The following TGFBR2 variants were observed in gnomAD, a reference collection of about 807,000 sequenced individuals.
TGFBR2 encodes TGF-beta receptor type-2.
A neutral mutation model predicts 49.0 loss-of-function variants in TGFBR2; 18 were observed. The ratio of observed to expected loss-of-function variants is 0.37; its 90% CI spans 0.25 to 0.54. The LOEUF is 0.54. Among genes scored for constraint, TGFBR2 ranks in the 20% least tolerant of loss-of-function variants. TGFBR2 has a pLI of 0.85. For synonymous variants in TGFBR2, 282 were observed against 275.9 expected, an observed-to-expected ratio of 1.02 and a Z score of -0.22; for missense variants, 525 against 722.6, an observed-to-expected ratio of 0.73 and a Z score of 3.13.
chr3:30,620,970 G>A (rs1698220897), intron 1 of TGFBR2, among the ~76,000 whole-genome samples: 1 of 152,164 alleles, frequency 6.6e-6, no homozygotes, highest in South Asian at 2.1e-4. Flanking sequence ...TTTCTTACCT[G>A]GGTGCTTAAT....
intron 1 of TGFBR2, among the ~76,000 whole-genome samples, chr3:30,620,141 C>G (rs539501489): frequency 6.6e-6 from 1 of 152,096 alleles, no homozygotes; most frequent in African/African-American, 2.4e-5. Flanking sequence ...GAGCCGAGAT[C>G]GCGCCACTGC....
At chr3:30,691,231 A>AC (rs1162285134) in intron 6 of TGFBR2, among the ~76,000 whole-genome samples, 189 bp from the exon 7 acceptor site, 1 of 152,038 alleles carries the variant, frequency 6.6e-6, no homozygotes, top group African/African-American at 2.4e-5. Context: ...ACCAGCACAA[A>AC]CCCCCCACCA....
chr3:30,629,571 A>G (rs1698398205), intron 1 of TGFBR2, among the ~76,000 whole-genome samples: 1 of 152,200 alleles, frequency 6.6e-6, no homozygotes, highest in Non-Finnish European at 1.5e-5. Context: ...AACAGCAAAT[A>G]TGCATTAATT....
At chr3:30,617,494 A>C (rs898232956) in intron 1 of TGFBR2, among the ~76,000 whole-genome samples, 7 of 152,208 alleles carry the variant, frequency 4.6e-5, no homozygotes, top group African/African-American at 1.7e-4. Context: ...ATCATTATAA[A>C]ATAATCTAAC....
intron 1 of TGFBR2, among the ~76,000 whole-genome samples, chr3:30,634,923 CTTTT>C (rs1320448271): frequency 1.3e-5 from 2 of 152,246 alleles, no homozygotes; most frequent in East Asian, 3.9e-4. Context: ...TATGGCTTAA[CTTTT>C]TTAACTGGCT....
intron 1 of TGFBR2, among the ~76,000 whole-genome samples, chr3:30,610,663 A>G (rs1459378245): frequency 2.0e-5 from 3 of 152,184 alleles, no homozygotes; most frequent in African/African-American, 7.2e-5. Context: ...CCCTGGTCTC[A>G]TTTGTAAAAT....
chr3:30,674,061 A>G (rs191430432), intron 4 of TGFBR2, 44 bp from the exon 5 acceptor site: 1 of 1,613,996 alleles, frequency 6.2e-7, no homozygotes, highest in Non-Finnish European at 8.5e-7. Flanking sequence ...ATAAAAAGGC[A>G]GCTGGAATTA....
intron 1 of TGFBR2, among the ~76,000 whole-genome samples, chr3:30,615,982 A>C (rs1408333415): frequency 6.6e-6 from 1 of 152,010 alleles, no homozygotes; most frequent in Non-Finnish European, 1.5e-5. Context: ...GCTCAGAGGA[A>C]CCTGTCCACC....
rs896805281 is a variant in TGFBR2, at chr3:30,672,872, C to T, written c.1254+435C>T. Among the ~76,000 whole-genome samples the T allele has an allele frequency of 2.0e-5, 3 of 152,228 alleles. No individual in the cohort carries two copies. The highest frequency in any genetic ancestry group is 4.4e-5 in the Non-Finnish European group (3 of 68,038). On this transcript the variant is annotated intron_variant, in intron 4 of 6. Coordinates refer to ENST00000295754, the MANE Select transcript of TGFBR2 (RefSeq NM_003242.6). This position sits in a 1 kb window ranked among gnomAD's most constrained non-coding sequence, Gnocchi z 4.5. ...GCAATCTCCCTGAAGTCCAAATCTA[C>T]ATCCACATGGTCACCCAAGATATGT...
At chr3:30,691,270 C>A in intron 6 of TGFBR2, 150 bp from the exon 7 acceptor site, 2 of 833,850 alleles carry the variant, frequency 2.4e-6, no homozygotes, top group Non-Finnish European at 3.9e-6. Context: ...GGCTGGCCTG[C>A]AGCAGCAGGC....
intron 1 of TGFBR2, among the ~76,000 whole-genome samples, chr3:30,643,867 G>A (rs1210126976): frequency 6.6e-6 from 1 of 152,156 alleles, no homozygotes; most frequent in African/African-American, 2.4e-5. Flanking sequence ...TCAGAGATCA[G>A]AAAAGTGACA....
At chr3:30,631,882 C>T (rs1354177261) in intron 1 of TGFBR2, among the ~76,000 whole-genome samples, 6 of 152,080 alleles carry the variant, frequency 3.9e-5, no homozygotes, top group African/African-American at 1.4e-4. Context: ...TCAGAGCCTT[C>T]TCCACTGCAA....
At chr3:30,657,032 TC>T (rs1183919040) in intron 3 of TGFBR2, among the ~76,000 whole-genome samples, 1 of 152,212 alleles carries the variant, frequency 6.6e-6, no homozygotes, top group Non-Finnish European at 1.5e-5. Flanking sequence ...GTGAATTGGC[TC>T]CTCCAGACTT....
At chr3:30,618,478 C>T (rs1032488012) in intron 1 of TGFBR2, among the ~76,000 whole-genome samples, 5 of 152,048 alleles carry the variant, frequency 3.3e-5, no homozygotes, top group African/African-American at 7.2e-5. Flanking sequence ...CCTCGTGATC[C>T]GCCCGCCTCG....
chr3:30,669,955 C>A (rs1385684707), intron 3 of TGFBR2, among the ~76,000 whole-genome samples: 1 of 152,118 alleles, frequency 6.6e-6, no homozygotes, highest in Admixed American at 6.5e-5. Context: ...TATCCTCATT[C>A]TACCTGGACT....
intron 1 of TGFBR2, among the ~76,000 whole-genome samples, chr3:30,627,802 A>AT (rs1188847501): frequency 6.6e-6 from 1 of 151,896 alleles, no homozygotes; most frequent in African/African-American, 2.4e-5. Flanking sequence ...ATATAGATAT[A>AT]TTTTTATTTC....
intron 1 of TGFBR2, among the ~76,000 whole-genome samples, chr3:30,627,477 TCACC>T: frequency 6.6e-6 from 1 of 151,986 alleles, no homozygotes; most frequent in Admixed American, 6.5e-5. Flanking sequence ...TACAAAAAGT[TCACC>T]TGAGTGTAGA....
At chr3:30,689,618 G>A (rs1434225635) in intron 6 of TGFBR2, among the ~76,000 whole-genome samples, 1 of 152,234 alleles carries the variant, frequency 6.6e-6, no homozygotes, top group African/African-American at 2.4e-5. Flanking sequence ...GGAGGTTGGC[G>A]AGGGGGAACC....
At chr3:30,611,714 G>T (rs183544523) in intron 1 of TGFBR2, among the ~76,000 whole-genome samples, 1 of 151,864 alleles carries the variant, frequency 6.6e-6, no homozygotes, top group Non-Finnish European at 1.5e-5. Flanking sequence ...GTGAAGCAGC[G>T]TTGGTTGAAG....
Sources: allele counts gnomAD v4.1 joint callset (sites outside exome capture counted in the v4.1 genomes callset), GRCh38; gene constraint gnomAD v4.1.1; non-coding constraint Gnocchi (gnomAD v3.1); transcripts MANE v1.5; gene names NCBI Gene and HGNC (gene_info 2026-07-23, HGNC 2026-07-21).